Variants in MSI2 observed in about 807,000 individuals in gnomAD.
The protein encoded by MSI2 is musashi RNA binding protein 2.
Under a neutral mutation model 45.6 loss-of-function variants are expected in MSI2, and 17 were observed. The observed-to-expected ratio is 0.37, with a 90% CI of 0.26 to 0.56. The LOEUF (loss-of-function observed/expected upper bound fraction) is 0.56. Ranked by LOEUF, MSI2 falls within the 20% of genes least tolerant of loss-of-function variation. The probability of loss-of-function intolerance (pLI) is 0.77; values close to 1 mark genes in which losing one functional copy is unlikely to be tolerated. For missense variants in MSI2, 293 were observed against 444.2 expected, an observed-to-expected ratio of 0.66 and a Z score of 3.06; for synonymous variants, 156 against 158.2, an observed-to-expected ratio of 0.99 and a Z score of 0.11.
chr17:57,421,485 G>C (rs2084395038), intron 6 of MSI2, among the ~76,000 whole-genome samples: 1 of 152,118 alleles, frequency 6.6e-6, no homozygotes, highest in South Asian at 2.1e-4. Flanking sequence ...GAACCTTCTA[G>C]ACTACTGGTG....
chr17:57,522,464 T>C (rs996377520), intron 6 of MSI2: 1 of 152,106 alleles, frequency 6.6e-6, no homozygotes, highest in Admixed American at 6.5e-5. Context: ...TGTGTATATT[T>C]ATATCCCCAG....
At chr17:57,308,264 G>A (rs1246795946) in intron 5 of MSI2, among the ~76,000 whole-genome samples, 3 of 152,128 alleles carry the variant, frequency 2.0e-5, no homozygotes, top group Middle Eastern at 3.2e-3. Context: ...TACCACCACC[G>A]CCACCATTTT....
intron 8 of MSI2, among the ~76,000 whole-genome samples, chr17:57,599,510 T>C (rs1297432413): frequency 2.0e-5 from 3 of 152,218 alleles, no homozygotes; most frequent in Non-Finnish European, 2.9e-5. Context: ...TCCTGTTTCA[T>C]ATTTATCGCC....
chr17:57,372,839 A>G (rs1301603936), intron 5 of MSI2, among the ~76,000 whole-genome samples: 1 of 152,148 alleles, frequency 6.6e-6, no homozygotes, highest in Non-Finnish European at 1.5e-5. Flanking sequence ...CCGCCACCCC[A>G]ATGAGAATGA....
intron 5 of MSI2, among the ~76,000 whole-genome samples, chr17:57,302,117 T>C (rs992340801): frequency 1.3e-5 from 2 of 152,226 alleles, no homozygotes; most frequent in Admixed American, 6.5e-5. Context: ...ACTAACTGAT[T>C]GGTGCATGAT....
chr17:57,666,709 A>T (rs1912395471), intron 11 of MSI2, among the ~76,000 whole-genome samples: 1 of 152,208 alleles, frequency 6.6e-6, no homozygotes, highest in Admixed American at 6.5e-5. Context: ...CTTATAAGAC[A>T]CAAGCAAGGA....
At position 57,683,347 on chromosome 17, in the gene MSI2, T is replaced by C; in HGVS notation, c.*3830T>C. 8.7e-6 allele frequency: 2 copies of C among 230,552 alleles called. No individual in the cohort carries two copies. Among genetic ancestry groups the C allele is most frequent in the Non-Finnish European group, 1.7e-5 (2 of 116,368 alleles). The allele number at this position is 230,552 out of a possible 1,614,324, so 14.3% of individuals were successfully genotyped here. A position where few individuals can be genotyped will look rare whatever the true frequency, so the allele number is the denominator to read the frequency against. On this transcript the variant is annotated 3_prime_UTR_variant, in exon 14 of 14. Coordinates refer to ENST00000284073, the MANE Select transcript of MSI2 (RefSeq NM_138962.4). The surrounding 1 kb of genome is among the most constrained non-coding windows in gnomAD (Gnocchi z 5.2). Reference sequence around the variant, plus strand: ...GGTGGGTTTTGCTTGTTGTTCCTTTTCATTTGGGGGTTTTTGGGGAAAAAA... The same window carrying C: ...GGTGGGTTTTGCTTGTTGTTCCTTTCCATTTGGGGGTTTTTGGGGAAAAAA...
chr17:57,477,741 A>G (rs1472054322), intron 6 of MSI2, among the ~76,000 whole-genome samples: 1 of 152,190 alleles, frequency 6.6e-6, no homozygotes, highest in African/African-American at 2.4e-5. Flanking sequence ...TGGCAAAAGG[A>G]ACAGCTTCTG....
At chr17:57,468,534 A>AC (rs1458959677) in intron 6 of MSI2, among the ~76,000 whole-genome samples, 1 of 151,686 alleles carries the variant, frequency 6.6e-6, no homozygotes, top group Non-Finnish European at 1.5e-5. Flanking sequence ...AAAAAAAAAA[A>AC]AAAACAAGCA....
At position 57,549,468 on chromosome 17, in the gene MSI2, G is replaced by T. The variant is rs149757057; in HGVS notation, c.454+19744G>T. Among the ~76,000 whole-genome samples the T allele has an allele frequency of 4.0e-3, 603 of 152,254 alleles. 10 individuals are homozygous for T. Among genetic ancestry groups the T allele is most frequent in the African/African-American group, 0.014 (583 of 41,516 alleles). On this transcript the variant is annotated intron_variant, in intron 7 of 13. Transcript: ENST00000284073. ...TGCTCACTACCATGACCCTGTTGTTGTGATAGCTCTTTGCTGTCCTTTCTA... is the reference window on the plus strand; with the variant it reads ...TGCTCACTACCATGACCCTGTTGTTTTGATAGCTCTTTGCTGTCCTTTCTA...
intron 10 of MSI2, among the ~76,000 whole-genome samples, chr17:57,646,898 T>C (rs1450646659): frequency 6.6e-6 from 1 of 152,166 alleles, no homozygotes; most frequent in Admixed American, 6.5e-5. Context: ...TTCCAGGTGG[T>C]CAACCTATAG....
chr17:57,676,611 C>T (rs1598518549), intron 12 of MSI2, among the ~76,000 whole-genome samples: 2 of 152,336 alleles, frequency 1.3e-5, no homozygotes, highest in South Asian at 2.1e-4. Flanking sequence ...TTTGTCTGCA[C>T]TGGGATTTCT....
At chr17:57,270,368 GTC>G (rs1004030849) in intron 5 of MSI2, among the ~76,000 whole-genome samples, 2 of 152,224 alleles carry the variant, frequency 1.3e-5, no homozygotes, top group African/African-American at 4.8e-5. Flanking sequence ...TTGGACCAAA[GTC>G]TCTCTGAATC....
chr17:57,589,659 T>A (rs1382691554), intron 7 of MSI2, among the ~76,000 whole-genome samples: 1 of 152,210 alleles, frequency 6.6e-6, no homozygotes, highest in African/African-American at 2.4e-5. Context: ...CCTCTCATGC[T>A]CTCTGAGCCA....
chr17:57,652,100 C>G lies in MSI2; in HGVS notation c.729C>G (p.Gly243=), dbSNP rs1911195433. The G allele has an allele frequency of 3.7e-6, 6 of 1,613,998 alleles. No homozygotes were observed. The highest frequency in any genetic ancestry group is 4.2e-6 in the Non-Finnish European group (5 of 1,180,008). The part of the protein sequence containing the change: ...FAPSYGYQFP[G]FPAAAYGPVA... ...CAGGCTCCTCTCTCTCCTGACCAGGCTTCCCAGCAGCGGCTTATGGACCAG... is the reference window on the plus strand; with the variant it reads ...CAGGCTCCTCTCTCTCCTGACCAGGGTTCCCAGCAGCGGCTTATGGACCAG... The change falls in exon 11 of 14, where the codon GGC becomes GGG. Residue 243 remains glycine (G), a splice_region_variant and synonymous_variant. Transcript: ENST00000284073. The surrounding 1 kb of genome is among the most constrained non-coding windows in gnomAD (Gnocchi z 4.1).
intron 7 of MSI2, among the ~76,000 whole-genome samples, chr17:57,540,822 TTC>T (rs1399250100): frequency 6.6e-6 from 1 of 152,136 alleles, no homozygotes; most frequent in African/African-American, 2.4e-5. Context: ...CAGAATAAGT[TTC>T]TGTTGTTTTA....
At chr17:57,481,464 C>T (rs2143750223) in intron 6 of MSI2, among the ~76,000 whole-genome samples, 1 of 152,196 alleles carries the variant, frequency 6.6e-6, no homozygotes, top group South Asian at 2.1e-4. Context: ...TTTAAAATAC[C>T]ACAATTGTCA....
At chr17:57,557,942 G>A (rs930143786) in intron 7 of MSI2, among the ~76,000 whole-genome samples, 5 of 152,132 alleles carry the variant, frequency 3.3e-5, no homozygotes, top group Non-Finnish European at 7.4e-5. Context: ...GGGTGCTGAG[G>A]ACCTCCGGGG....
At chr17:57,634,738 C>G (rs889588567) in intron 10 of MSI2, among the ~76,000 whole-genome samples, 2 of 152,158 alleles carry the variant, frequency 1.3e-5, no homozygotes, top group Non-Finnish European at 2.9e-5. Context: ...TCATTTATCT[C>G]TCATGTAAAA....
Sources: gnomAD v4.1 joint callset for allele counts (sites outside exome capture counted in the v4.1 genomes callset) on GRCh38, gnomAD v4.1.1 for gene constraint, Gnocchi (gnomAD v3.1) non-coding constraint, MANE v1.5 for transcripts, NCBI Gene and HGNC (gene_info 2026-07-23, HGNC 2026-07-21) for gene names.